MGAT4B: variants seen among roughly 807,000 people sequenced by gnomAD.
MGAT4B encodes the protein N-acetylglucosaminyltransferase IVb.
In MGAT4B, 38 loss-of-function variants were observed where a neutral mutation model predicts 73.9. The observed-to-expected ratio is 0.51, with a 90% CI of 0.40 to 0.67. The LOEUF is 0.67. Among genes scored for constraint, MGAT4B ranks in the 30% least tolerant of loss-of-function variants. The probability of loss-of-function intolerance (pLI) is 0.00; values close to 1 mark genes in which losing one functional copy is unlikely to be tolerated. For missense variants in MGAT4B, 686 were observed against 735.2 expected, an observed-to-expected ratio of 0.93 and a Z score of 0.77; for synonymous variants, 373 against 313.5, an observed-to-expected ratio of 1.19 and a Z score of -2.01.
intron 1 of MGAT4B, among the ~76,000 whole-genome samples, chr5:179,804,530 T>G (rs1162437121): frequency 6.6e-6 from 1 of 152,164 alleles, no homozygotes; most frequent in Non-Finnish European, 1.5e-5. Context: ...AGATAGGAAA[T>G]TGGGCCCCAA....
Position 179,800,875 on chromosome 5 carries a change from G to A in MGAT4B, c.605+32C>T, listed in dbSNP as rs200351888. Reference sequence around the variant, plus strand: ...ACAACACCCCGCACCGAGCTCTCCCGCCACCAGCTCTCTGGGGTCGCCAGT... The same window carrying A: ...ACAACACCCCGCACCGAGCTCTCCCACCACCAGCTCTCTGGGGTCGCCAGT... On this transcript the variant is annotated intron_variant, in intron 5 of 14. Transcript: ENST00000292591. The A allele has an allele frequency of 2.1e-5, 34 of 1,610,860 alleles. 1 individual carries two copies. The highest frequency in any genetic ancestry group is 3.3e-4 in the Middle Eastern group (2 of 6,052).
rs1756911581 is a variant in MGAT4B, at chr5:179,801,265, C to T, written c.558+69G>A. The T allele has an allele frequency of 1.3e-6, 2 of 1,524,826 alleles. No individual in the cohort carries two copies. Among genetic ancestry groups the T allele is most frequent in the Non-Finnish European group, 1.8e-6 (2 of 1,133,486 alleles). The allele number at this position is 1,524,826 out of a possible 1,614,324, so 94.5% of individuals were successfully genotyped here. A position where few individuals can be genotyped will look rare whatever the true frequency, so the allele number is the denominator to read the frequency against. ...CGACAGCTTTCTCCTCGGAATGGTTCCTGCTGTCAGTTCTGCACCGCGGGG... is the reference window on the plus strand; with the variant it reads ...CGACAGCTTTCTCCTCGGAATGGTTTCTGCTGTCAGTTCTGCACCGCGGGG... On this transcript the variant is annotated intron_variant, in intron 4 of 14. Coordinates refer to ENST00000292591, the MANE Select transcript of MGAT4B (RefSeq NM_014275.5). This position sits in a 1 kb window ranked among gnomAD's most constrained non-coding sequence, Gnocchi z 4.8.
In MGAT4B at chr5:179,806,308, AC is replaced by A. The variant is rs1435424977; in HGVS notation, c.97+178del. On this transcript the variant is annotated intron_variant, in intron 1 of 14. Coordinates refer to ENST00000292591, the MANE Select transcript of MGAT4B (RefSeq NM_014275.5). The surrounding 1 kb of genome is among the most constrained non-coding windows in gnomAD (Gnocchi z 4.6). ...CGGGCGCGGCCCGGGCCCGAGGAGA[AC>A]GCCGCGGCTCCAGCAGCAAACAAGT... is the stretch of plus-strand genomic sequence containing the variant. The A allele has an allele frequency of 5.2e-6, 1 of 192,388 alleles. No homozygotes were observed. Among genetic ancestry groups the A allele is most frequent in the African/African-American group, 2.6e-5 (1 of 38,636 alleles). The allele number at this position is 192,388 out of a possible 1,614,324, so 11.9% of individuals were successfully genotyped here.
chr5:179,802,460 GC>G, intron 1 of MGAT4B: 1 of 1,047,000 alleles, frequency 9.6e-7, no homozygotes. Flanking sequence ...CCTCACGATG[GC>G]CCCGGGGGGT....
rs1042495868 is a variant in MGAT4B at position 179,800,144 on chromosome 5, GCGCAGGGCAGGGCAGGGCAA to G, written c.795+20_795+39del. 23 of 1,611,274 alleles carry G rather than the reference GCGCAGGGCAGGGCAGGGCAA, an allele frequency of 1.4e-5. No individual in the cohort carries two copies. The highest frequency in any genetic ancestry group is 8.9e-5 in the East Asian group (4 of 44,874). The stretch of plus-strand genomic sequence containing the variant: ...ACCAGACCCATCGCAGGGCAGGGCG[GCGCAGGGCAGGGCAGGGCAA>G]CGCAGGGCTTGGGGCTGACCTGCAC... On this transcript the variant is annotated intron_variant, in intron 7 of 14. Transcript: ENST00000292591.
rs190594008 is a variant in MGAT4B, at chr5:179,801,501, T to C, written c.425-34A>G. 2,205 of 1,602,642 alleles carry C rather than the reference T, an allele frequency of 1.4e-3. 28 individuals carry two copies. The African/African-American group carries it at 0.026, about 19-fold the overall frequency. On this transcript the variant is annotated intron_variant, in intron 3 of 14. Coordinates refer to ENST00000292591, the MANE Select transcript of MGAT4B (RefSeq NM_014275.5). The surrounding 1 kb of genome is among the most constrained non-coding windows in gnomAD (Gnocchi z 4.8). The stretch of plus-strand genomic sequence containing the variant: ...GACGGAGGCCCGACGCTGGAAAGGG[T>C]GCGGGGGCCACCCGTCCCCCCACCC...
At position 179,801,344 on chromosome 5, in the gene MGAT4B, A is replaced by G; in HGVS notation, c.548T>C (p.Leu183Pro). ...TCCCGGCTCACTCGCCTCGGCGATC[A>G]GCACCACGATGACCGAGTCCTCCTT... ...QEKEDSVIVV[L>P]IAETDSQYTS... Residue 183 changes from leucine to proline, a missense_variant, in exon 4 of 15, where the codon CTG becomes CCG. By Grantham distance (98) the Leu-to-Pro change is moderately conservative. Around this residue, in one of 2 missense-constraint regions of MGAT4B, gnomAD observed 449 missense variants for 536.8 expected, o/e 0.84. Transcript: ENST00000292591. This position sits in a 1 kb window ranked among gnomAD's most constrained non-coding sequence, Gnocchi z 4.8. The G allele has an allele frequency of 1.2e-6, 2 of 1,609,606 alleles. No homozygotes were observed. Among genetic ancestry groups the G allele is most frequent in the Non-Finnish European group, 1.7e-6 (2 of 1,177,524 alleles).
chr5:179,800,585 CT>C lies in MGAT4B; in HGVS notation c.617del (p.Glu206GlyfsTer48), dbSNP rs1282026068. ...TGACCTCCAGGAGCCCAGAATGGAT[CT>C]CCGTGGGGAACCTGGGGGACGGGAA... ...TENIKALFPTEIHSGLLEVIS... is the reference protein window; with the variant it reads ...TENIKALFPTXIHSGLLEVIS... On this transcript the variant is annotated frameshift_variant, in exon 6 of 15. Transcript: ENST00000292591. LOFTEE classifies it high-confidence loss of function. The C allele has an allele frequency of 6.2e-7, 1 of 1,608,740 alleles. No homozygotes were observed.
rs1237537790 is a variant in MGAT4B at position 179,798,044 on chromosome 5, C to G, written c.*1G>C. 6.2e-7 allele frequency: 1 copy of G among 1,608,434 alleles called. No homozygotes were observed. Among genetic ancestry groups the G allele is most frequent in the Admixed American group, 1.7e-5 (1 of 59,532 alleles). ...ACAGGGTACCCTCAGAAGCCCGCAGCTTAGTCGGCCTTTTTCAGGAAGATC... is the reference window on the plus strand; with the variant it reads ...ACAGGGTACCCTCAGAAGCCCGCAGGTTAGTCGGCCTTTTTCAGGAAGATC... On this transcript the variant is annotated 3_prime_UTR_variant, in exon 15 of 15. Transcript: ENST00000292591.
chr5:179,803,158 G>A (rs1562619935), intron 1 of MGAT4B: 10 of 985,486 alleles, frequency 1.0e-5, no homozygotes, highest in African/African-American at 1.7e-5. Flanking sequence ...GGGCAGGAGG[G>A]AAAGGTTTAA....
At chr5:179,803,295 C>T (rs376656924) in intron 1 of MGAT4B, 38 of 984,558 alleles carry the variant, frequency 3.9e-5, no homozygotes, top group East Asian at 2.3e-4. Flanking sequence ...CAGCCCCTGG[C>T]GGGAGGGAAA....
In MGAT4B at chr5:179,799,957, T is replaced by A. The variant is rs1385898833; in HGVS notation, c.907A>T (p.Ile303Phe). ...MILEFSQLGF[I>F]GKMFKSLDLS... ...TCAGGTAAGGGGAGGGGCACACCAA[T>A]GAAGCCCAGCTGGGAGAACTCCAGG... is the stretch of plus-strand genomic sequence containing the variant. The change falls in exon 8 of 15, where the codon ATT becomes TTT. Residue 303 changes from isoleucine to phenylalanine, a missense_variant. Physicochemically the swap from Ile to Phe is conservative, Grantham distance 21. This residue lies in a region of MGAT4B where 449 missense variants were observed against 536.8 expected (regional missense o/e 0.84). Coordinates refer to ENST00000292591, the MANE Select transcript of MGAT4B (RefSeq NM_014275.5). The A allele has an allele frequency of 6.2e-7, 1 of 1,612,222 alleles. No homozygotes were observed. Among genetic ancestry groups the A allele is most frequent in the Non-Finnish European group, 8.5e-7 (1 of 1,178,500 alleles).
chr5:179,799,707 T>A lies in MGAT4B; in HGVS notation c.911-71A>T, dbSNP rs1049780270. On this transcript the variant is annotated intron_variant, in intron 8 of 14. Transcript: ENST00000292591. ...CTTTCTCCCTGCAGCGGCCCCCGAG[T>A]CCCACAGCAAACCCAGGGGCAGGCT... 7 of 1,601,878 alleles carry A rather than the reference T, an allele frequency of 4.4e-6. No homozygotes were observed. The African/African-American group carries it at 9.4e-5, about 22-fold the overall frequency.
Position 179,801,220 on chromosome 5 carries a change from G to C in MGAT4B, c.558+114C>G. On this transcript the variant is annotated intron_variant, in intron 4 of 14. Transcript: ENST00000292591. The surrounding 1 kb of genome is among the most constrained non-coding windows in gnomAD (Gnocchi z 4.8). ...TTTCTATCTCGGAGCATTTGCGAATGAAACTAGCAACTGAACTTCCGACAG... is the reference window on the plus strand; with the variant it reads ...TTTCTATCTCGGAGCATTTGCGAATCAAACTAGCAACTGAACTTCCGACAG... 1 of 1,408,152 alleles carries C rather than the reference G, an allele frequency of 7.1e-7. No individual in the cohort carries two copies. Among genetic ancestry groups the C allele is most frequent in the Non-Finnish European group, 9.4e-7 (1 of 1,059,188 alleles). The allele number at this position is 1,408,152 out of a possible 1,614,324, so 87.2% of individuals were successfully genotyped here. A position where few individuals can be genotyped will look rare whatever the true frequency, so the allele number is the denominator to read the frequency against.
Position 179,798,246 on chromosome 5 carries a change from C to T in MGAT4B, c.1542G>A (p.Glu514=), listed in dbSNP as rs1756736927. The change falls in exon 14 of 15, where the codon GAG becomes GAA. Residue 514 remains glutamate, a synonymous_variant. Transcript: ENST00000292591. ...GSFYKGVAEG[E]VDPAFGPLEA... ...CCAGAGGGCCGAAGGCTGGGTCCAC[C>T]TCTCCCTCTGCCACTCCCTTGTAGA... 1 of 1,610,312 alleles carries T rather than the reference C, an allele frequency of 6.2e-7. No homozygotes were observed. Among genetic ancestry groups the T allele is most frequent in the African/African-American group, 1.3e-5 (1 of 75,038 alleles).
intron 1 of MGAT4B, among the ~76,000 whole-genome samples, chr5:179,805,899 C>T (rs1757130736): frequency 6.6e-6 from 1 of 152,118 alleles, no homozygotes; most frequent in South Asian, 2.1e-4. Context: ...GGGGCCAGCC[C>T]GGGAAGCTCG....
chr5:179,806,590 G>T lies in MGAT4B; in HGVS notation c.-7C>A, dbSNP rs954112740. On this transcript the variant is annotated 5_prime_UTR_variant, in exon 1 of 15. Transcript: ENST00000292591. This position sits in a 1 kb window ranked among gnomAD's most constrained non-coding sequence, Gnocchi z 4.6. ...TGCCATTGCGGAGCCTCATCTCCTC[G>T]GGTGCGCGGCGGGCGCCCGCGGGGC... 2 of 1,248,474 alleles carry T rather than the reference G, an allele frequency of 1.6e-6. No homozygotes were observed. Among genetic ancestry groups the T allele is most frequent in the Non-Finnish European group, 2.1e-6 (2 of 967,630 alleles). The allele number at this position is 1,248,474 out of a possible 1,614,324, so 77.3% of individuals were successfully genotyped here.
chr5:179,797,935 C>G lies in MGAT4B; in HGVS notation c.*110G>C, dbSNP rs1380824818. ...AGGCCGGCCCAAGCCCGACGCCAGG[C>G]AGAACCCTTTGGGCGGGGCCGTATC... On this transcript the variant is annotated 3_prime_UTR_variant, in exon 15 of 15. Coordinates refer to ENST00000292591, the MANE Select transcript of MGAT4B (RefSeq NM_014275.5). 6.9e-7 allele frequency: 1 copy of G among 1,458,044 alleles called. No individual in the cohort carries two copies. Among genetic ancestry groups the G allele is most frequent in the South Asian group, 1.2e-5 (1 of 81,508 alleles). The allele number at this position is 1,458,044 out of a possible 1,614,324, so 90.3% of individuals were successfully genotyped here.
rs962934626 is a variant in MGAT4B, at chr5:179,806,820, A to T, written c.-237T>A. ...GGAAGAGGAACAGGCTCAGAAGGGCAGAGGCAGGTATCAGGCTCACTGCAG... is the reference window on the plus strand; with the variant it reads ...GGAAGAGGAACAGGCTCAGAAGGGCTGAGGCAGGTATCAGGCTCACTGCAG... On this transcript the variant is annotated 5_prime_UTR_variant, in exon 1 of 15. Transcript: ENST00000292591. This position sits in a 1 kb window ranked among gnomAD's most constrained non-coding sequence, Gnocchi z 4.6. 6.7e-6 allele frequency: 1 copy of T among 149,964 alleles called. No homozygotes were observed. Among genetic ancestry groups the T allele is most frequent in the East Asian group, 2.0e-4 (1 of 5,122 alleles). 9.3% of individuals were successfully genotyped at this position (149,964 alleles called of 1,614,324 possible).
Sources: allele counts gnomAD v4.1 joint callset (sites outside exome capture counted in the v4.1 genomes callset), GRCh38; gene constraint gnomAD v4.1.1; regional missense constraint gnomAD v4.1.1; non-coding constraint Gnocchi (gnomAD v3.1); transcripts MANE v1.5; gene names NCBI Gene and HGNC (gene_info 2026-07-23, HGNC 2026-07-21).